Variants in COL15A1 observed in about 807,000 individuals in gnomAD.
The protein encoded by COL15A1 is collagen type XV alpha 1 chain.
In COL15A1, 111 loss-of-function variants were observed where a neutral mutation model predicts 165.9. The ratio of observed to expected loss-of-function variants is 0.67; its 90% CI spans 0.57 to 0.78. The LOEUF (loss-of-function observed/expected upper bound fraction) is 0.78. Ranked by LOEUF, COL15A1 falls within the 30% of genes least tolerant of loss-of-function variation. The pLI is 0.00. For missense variants in COL15A1, 1,745 were observed against 1,789.7 expected (o/e 0.98, Z 0.45); for synonymous variants, 659 against 674.8 (o/e 0.98, Z 0.36).
In COL15A1 at chr9:99,056,385, T is replaced by A. The variant is rs753649612; in HGVS notation, c.3318T>A (p.Pro1106=). The A allele has an allele frequency of 1.4e-5, 22 of 1,611,904 alleles. No homozygotes were observed. The highest frequency in any genetic ancestry group is 1.9e-5 in the Non-Finnish European group (22 of 1,179,734). The change falls in exon 35 of 42, where the codon CCT becomes CCA. Residue 1106 remains proline, a synonymous_variant. Coordinates refer to ENST00000375001, the MANE Select transcript of COL15A1 (RefSeq NM_001855.5). ...GPPGPPGPPG[P]PAILGAAVAL... is the part of the protein sequence containing the mutation. ...CGGGGCCCCCGGGGCCACCAGGACC[T>A]CCAGCTATCCTGGGAGCAGGTTAGT...
intron 8 of COL15A1, among the ~76,000 whole-genome samples, chr9:99,003,824 C>T (rs968167441): frequency 2.6e-5 from 4 of 152,146 alleles, no homozygotes; most frequent in Non-Finnish European, 2.9e-5. Flanking sequence ...ATAGGATAGA[C>T]GTGATTCCTG....
At chr9:99,003,331 T>G in intron 7 of COL15A1, 122 bp from the exon 8 acceptor site, 3 of 728,788 alleles carry the variant, frequency 4.1e-6, no homozygotes, top group East Asian at 6.0e-5. Context: ...TGAAAGTCCT[T>G]GAGAGAAAGA....
At chr9:99,001,464 C>G (rs1368180835) in intron 7 of COL15A1, among the ~76,000 whole-genome samples, 2 of 152,204 alleles carry the variant, frequency 1.3e-5, no homozygotes, top group African/African-American at 4.8e-5. Context: ...CTTCCCTTCT[C>G]CTGGGATGAA....
chr9:98,969,743 T>G (rs546953647), intron 2 of COL15A1, among the ~76,000 whole-genome samples: 38 of 152,292 alleles, frequency 2.5e-4, no homozygotes, highest in Non-Finnish European at 5.1e-4. Context: ...CAGGCTTGGG[T>G]TGAAGTGACA....
At chr9:98,963,398 A>G (rs1414878204) in intron 2 of COL15A1, among the ~76,000 whole-genome samples, 1 of 152,206 alleles carries the variant, frequency 6.6e-6, no homozygotes, top group Admixed American at 6.5e-5. Context: ...ATGGAGGTTC[A>G]AAGAGAGCAA....
At chr9:99,053,930 C>G (rs774651973) in intron 31 of COL15A1, among the ~76,000 whole-genome samples, 27 of 152,176 alleles carry the variant, frequency 1.8e-4, no homozygotes, top group Non-Finnish European at 3.2e-4. Context: ...GGAAAGGGAA[C>G]CACTTCCCTT....
intron 39 of COL15A1, among the ~76,000 whole-genome samples, chr9:99,066,117 A>C (rs1825887084): frequency 6.6e-6 from 1 of 151,652 alleles, no homozygotes; most frequent in South Asian, 2.1e-4. Flanking sequence ...CCCCGAGATG[A>C]GATTGATGGG....
intron 5 of COL15A1, among the ~76,000 whole-genome samples, chr9:98,989,619 T>A (rs535927260): frequency 1.3e-5 from 2 of 152,328 alleles, no homozygotes; most frequent in South Asian, 4.1e-4. Flanking sequence ...CTAATAGCCC[T>A]ATCTCATAGG....
chr9:99,026,454 C>G (rs1209896098), intron 16 of COL15A1, among the ~76,000 whole-genome samples: 2 of 152,208 alleles, frequency 1.3e-5, no homozygotes, highest in Non-Finnish European at 2.9e-5. Context: ...TCTCGTCAGC[C>G]CCTGCCCTGG....
intron 16 of COL15A1, among the ~76,000 whole-genome samples, chr9:99,027,628 G>A (rs1263596766): frequency 6.8e-6 from 1 of 147,776 alleles, no homozygotes; most frequent in African/African-American, 2.5e-5. Flanking sequence ...AAACACCCTT[G>A]CACAGGCACT....
In COL15A1 at chr9:98,943,986, A is replaced by G. The variant is rs1837531514; in HGVS notation, c.-76A>G. On this transcript the variant is annotated 5_prime_UTR_variant, in exon 1 of 42. Transcript: ENST00000375001. ...CGAGCGCGGCGGCCAGCGCTCAGCG[A>G]CCCTTCGTCCTCCGCTAAGCTCCAA... The G allele has an allele frequency of 7.6e-6, 12 of 1,589,338 alleles. No individual in the cohort carries two copies. The highest frequency in any genetic ancestry group is 1.0e-5 in the Non-Finnish European group (12 of 1,162,544).
rs1042042042 is a variant in COL15A1 at position 98,978,253 on chromosome 9, G to T, written c.101-7312G>T. On this transcript the variant is annotated intron_variant, in intron 2 of 41. Transcript: ENST00000375001. Reference sequence around the variant, plus strand: ...TGCAAGCCTGGATCTACTGGCCATGGGAAGCACTAGGCTGGTTTAAGCAAT... The same window carrying T: ...TGCAAGCCTGGATCTACTGGCCATGTGAAGCACTAGGCTGGTTTAAGCAAT... Among the ~76,000 whole-genome samples the T allele has an allele frequency of 5.3e-5, 8 of 152,324 alleles. 1 individual carries two copies. Among genetic ancestry groups the T allele is most frequent in the Admixed American group, 2.6e-4 (4 of 15,310 alleles).
chr9:99,061,307 A>G (rs974374591), intron 36 of COL15A1, among the ~76,000 whole-genome samples: 3 of 152,266 alleles, frequency 2.0e-5, no homozygotes, highest in Non-Finnish European at 4.4e-5. Context: ...ATGAAAAATA[A>G]AAACTCTCTT....
intron 16 of COL15A1, among the ~76,000 whole-genome samples, chr9:99,029,106 A>G (rs1200893962): frequency 2.6e-5 from 4 of 152,224 alleles, no homozygotes; most frequent in African/African-American, 9.6e-5. Flanking sequence ...CTGCTTTTGC[A>G]CTGCAGATTC....
chr9:98,948,406 A>G (rs1054665627), intron 2 of COL15A1, among the ~76,000 whole-genome samples: 26 of 151,962 alleles, frequency 1.7e-4, no homozygotes, highest in Non-Finnish European at 2.8e-4. Flanking sequence ...AGACCATCCT[A>G]GCTAACACGG....
intron 2 of COL15A1, among the ~76,000 whole-genome samples, chr9:98,963,317 A>C (rs10120744): frequency 0.21 from 32,483 of 152,120 alleles, 4,695 homozygotes; most frequent in African/African-American, 0.42. Context: ...CCCACTGGGA[A>C]CCTGAGGCCT....
At chr9:99,066,768 C>A in intron 39 of COL15A1, 114 bp from the exon 40 acceptor site, 1 of 903,802 alleles carries the variant, frequency 1.1e-6, no homozygotes, top group Non-Finnish European at 1.7e-6. Flanking sequence ...AAAATGACCT[C>A]CAACGTGCCT....
intron 2 of COL15A1, among the ~76,000 whole-genome samples, chr9:98,946,400 G>C (rs975781484): frequency 1.3e-5 from 2 of 152,114 alleles, no homozygotes; most frequent in Non-Finnish European, 2.9e-5. Context: ...GGGTTCCATG[G>C]TCTCCAATGA....
intron 16 of COL15A1, among the ~76,000 whole-genome samples, chr9:99,030,761 G>T (rs935452060): frequency 6.6e-6 from 1 of 152,196 alleles, no homozygotes; most frequent in Non-Finnish European, 1.5e-5. Context: ...TTTAGAGGGA[G>T]GCTACTTTAG....
Sources: allele counts gnomAD v4.1 joint callset (sites outside exome capture counted in the v4.1 genomes callset), GRCh38; gene constraint gnomAD v4.1.1; transcripts MANE v1.5; gene names NCBI Gene and HGNC (gene_info 2026-07-23, HGNC 2026-07-21).